The following ITIH2 variants were observed in gnomAD, a reference collection of about 807,000 sequenced individuals.
ITIH2 encodes inter-alpha-trypsin inhibitor heavy chain 2.
A neutral mutation model predicts 104.4 loss-of-function variants in ITIH2; 103 were observed. That is an observed-to-expected ratio of 0.99 (90% CI 0.84 to 1.16). The LOEUF (loss-of-function observed/expected upper bound fraction) is 1.16. Among genes scored for constraint, ITIH2 ranks in the 50% most tolerant of loss-of-function variants. The pLI is 0.00. For missense variants in ITIH2, 1,108 were observed against 1,162.4 expected (o/e 0.95, Z 0.68); for synonymous variants, 436 against 435.4 (o/e 1.00, Z -0.02).
chr10:7,736,361 T>A (rs1302717372), intron 15 of ITIH2, among the ~76,000 whole-genome samples: 1 of 151,996 alleles, frequency 6.6e-6, no homozygotes, highest in African/African-American at 2.4e-5. Context: ...TAAGACCTTG[T>A]CTCGAAAAAA....
chr10:7,707,919 G>T lies in ITIH2; in HGVS notation c.192+686G>T, dbSNP rs535897009. ...AGCTTTGGAAAATAAAAGAGTGCCC[G>T]TGGAAAGGAACTTTTAAACACAAAA... On this transcript the variant is annotated intron_variant, in intron 3 of 20. Coordinates refer to ENST00000358415, the MANE Select transcript of ITIH2 (RefSeq NM_002216.3). Among the ~76,000 whole-genome samples the T allele has an allele frequency of 3.9e-5, 6 of 152,262 alleles. No homozygotes were observed. In the South Asian group the frequency reaches 1.2e-3, roughly 32 times the overall value.
intron 1 of ITIH2, 136 bp downstream of exon 1, chr10:7,703,654 T>C: frequency 1.6e-6 from 1 of 630,156 alleles, no homozygotes; most frequent in Middle Eastern, 4.3e-4. Flanking sequence ...TGCAAGTGTT[T>C]ACTGTTATAA....
chr10:7,717,263 T>G (rs1834859224), intron 5 of ITIH2, among the ~76,000 whole-genome samples: 1 of 152,172 alleles, frequency 6.6e-6, no homozygotes, highest in African/African-American at 2.4e-5. Context: ...AAGCCTAATT[T>G]TTTTATCATC....
chr10:7,719,306 C>G (rs1263404843), intron 6 of ITIH2, among the ~76,000 whole-genome samples: 1 of 152,176 alleles, frequency 6.6e-6, no homozygotes, highest in Non-Finnish European at 1.5e-5. Context: ...AAAAGATGCC[C>G]GTCCTTCAGG....
At chr10:7,715,115 C>A (rs966830727) in intron 5 of ITIH2, among the ~76,000 whole-genome samples, 1 of 152,092 alleles carries the variant, frequency 6.6e-6, no homozygotes, top group African/African-American at 2.4e-5. Context: ...TGAATCAGTC[C>A]TTTTATCTTT....
intron 4 of ITIH2, among the ~76,000 whole-genome samples, chr10:7,710,448 C>T (rs1277968667): frequency 3.9e-5 from 6 of 152,166 alleles, no homozygotes; most frequent in South Asian, 2.1e-4. Flanking sequence ...AGGTGGCCAA[C>T]CCAGAGTATG....
chr10:7,712,643 G>C (rs1308710782), intron 4 of ITIH2, among the ~76,000 whole-genome samples: 1 of 151,906 alleles, frequency 6.6e-6, no homozygotes, highest in Admixed American at 6.6e-5. Flanking sequence ...TGAGGGAAAG[G>C]TTTTAGGATG....
At chr10:7,714,263 C>G (rs1414723342) in intron 5 of ITIH2, among the ~76,000 whole-genome samples, 1 of 151,234 alleles carries the variant, frequency 6.6e-6, no homozygotes, top group Admixed American at 6.6e-5. Context: ...GCTCCGCCCC[C>G]CGGGTTCACG....
Position 7,744,964 on chromosome 10 carries a change from G to T in ITIH2, c.2581+1G>T, listed in dbSNP as rs1271086546. 1 of 1,612,564 alleles carries T rather than the reference G, an allele frequency of 6.2e-7. No homozygotes were observed. The highest frequency in any genetic ancestry group is 8.5e-7 in the Non-Finnish European group (1 of 1,178,900). ...TCACCTAAAGCCCACGGACTAATAG[G>T]TAAAGTGTCTATTGACCATCTGACA... is the stretch of plus-strand genomic sequence containing the variant. On this transcript the variant is annotated splice_donor_variant, in intron 19 of 20. Coordinates refer to ENST00000358415, the MANE Select transcript of ITIH2 (RefSeq NM_002216.3). LOFTEE classifies it high-confidence loss of function.
At chr10:7,713,125 G>C (rs942344905) in intron 4 of ITIH2, 56 bp from the exon 5 acceptor site, 2 of 1,097,698 alleles carry the variant, frequency 1.8e-6, no homozygotes, top group African/African-American at 1.6e-5. Context: ...ATCTCGAGGG[G>C]AAAAAAAAAA....
chr10:7,729,768 C>G (rs1834984221), intron 11 of ITIH2, 184 bp from the exon 12 acceptor site: 2 of 487,976 alleles, frequency 4.1e-6, no homozygotes, highest in African/African-American at 3.9e-5. Flanking sequence ...TGCAACACAA[C>G]CCACACTTCA....
chr10:7,746,755 G>C, intron 20 of ITIH2, 51 bp downstream of exon 20: 1 of 1,102,964 alleles, frequency 9.1e-7, no homozygotes, highest in Non-Finnish European at 1.4e-6. Context: ...GTTAGAATTA[G>C]ACCCACACAG....
intron 3 of ITIH2, among the ~76,000 whole-genome samples, chr10:7,707,485 G>A (rs1372990615): frequency 6.6e-6 from 1 of 151,868 alleles, no homozygotes; most frequent in Non-Finnish European, 1.5e-5. Context: ...ATATATCATA[G>A]GTTCCTTCCC....
chr10:7,707,454 T>C (rs1834758254), intron 3 of ITIH2, among the ~76,000 whole-genome samples: 1 of 152,218 alleles, frequency 6.6e-6, no homozygotes, highest in South Asian at 2.1e-4. Context: ...GGCCCTTCTC[T>C]TCATTTTCTT....
chr10:7,715,987 G>C (rs985502557), intron 5 of ITIH2, among the ~76,000 whole-genome samples: 1 of 130,900 alleles, frequency 7.6e-6, no homozygotes, highest in Non-Finnish European at 1.7e-5. Flanking sequence ...CTCAGCCTCC[G>C]GAGCAGCTGG....
intron 6 of ITIH2, among the ~76,000 whole-genome samples, chr10:7,719,883 C>T (rs1280942535): frequency 1.4e-5 from 2 of 144,650 alleles, no homozygotes; most frequent in African/African-American, 2.6e-5. Context: ...AATGTGTACA[C>T]GGGGACATAG....
At chr10:7,708,456 C>T (rs149832063) in intron 3 of ITIH2, among the ~76,000 whole-genome samples, 35 of 152,312 alleles carry the variant, frequency 2.3e-4, no homozygotes, top group Non-Finnish European at 4.1e-4. Context: ...ACACCCGTCA[C>T]TGTTCTCCTA....
Position 7,738,752 on chromosome 10 carries a change from A to G in ITIH2, c.2089A>G (p.Met697Val). 1 of 1,608,706 alleles carries G rather than the reference A, an allele frequency of 6.2e-7. No individual in the cohort carries two copies. Among genetic ancestry groups the G allele is most frequent in the Non-Finnish European group, 8.5e-7 (1 of 1,177,562 alleles). ...AGAGTCCACGCCACCCCCACATGTGATGAGAGGTAACGCTTCTACACTGCT... is the reference window on the plus strand; with the variant it reads ...AGAGTCCACGCCACCCCCACATGTGGTGAGAGGTAACGCTTCTACACTGCT... ...VLESTPPPHV[M>V]RVENDPHFII... The change falls in exon 16 of 21, where the codon ATG (methionine) becomes GTG (valine). Residue 697 changes from methionine to valine, a missense_variant. By Grantham distance (21) the Met-to-Val change is conservative. Transcript: ENST00000358415.
At chr10:7,746,074 A>T (rs1418741200) in intron 19 of ITIH2, among the ~76,000 whole-genome samples, 10 of 39,748 alleles carry the variant, frequency 2.5e-4, no homozygotes, top group Admixed American at 3.2e-4. Flanking sequence ...AATTTAAAAA[A>T]AAAAAAAAAA....
Sources: gnomAD v4.1 joint callset for allele counts (sites outside exome capture counted in the v4.1 genomes callset) on GRCh38, gnomAD v4.1.1 for gene constraint, MANE v1.5 for transcripts, NCBI Gene and HGNC (gene_info 2026-07-23, HGNC 2026-07-21) for gene names.